Variants in TMEM232 observed in about 807,000 individuals in gnomAD.
The protein encoded by TMEM232 is transmembrane protein 232.
In TMEM232, 80 loss-of-function variants were observed where a neutral mutation model predicts 78.8. The observed-to-expected ratio is 1.01, with a 90% CI of 0.85 to 1.22. The LOEUF is 1.22. Ranked by LOEUF, TMEM232 falls within the 50% of genes most tolerant of loss-of-function variation. The probability of loss-of-function intolerance (pLI) is 0.00; values close to 1 mark genes in which losing one functional copy is unlikely to be tolerated. For synonymous variants in TMEM232, 297 were observed against 254.3 expected (o/e 1.17, Z -1.60); for missense variants, 881 against 742.2 (o/e 1.19, Z -2.17).
At chr5:110,440,119 A>G (rs1432528684) in intron 12 of TMEM232, among the ~76,000 whole-genome samples, 1 of 152,202 alleles carries the variant, frequency 6.6e-6, no homozygotes, top group Non-Finnish European at 1.5e-5. Flanking sequence ...TAAATCTGGA[A>G]AGATGAGTAG....
intron 3 of TMEM232, among the ~76,000 whole-genome samples, chr5:110,391,424 C>T (rs971064834): frequency 1.1e-4 from 17 of 151,162 alleles, no homozygotes; most frequent in African/African-American, 3.9e-4. Flanking sequence ...TTTATTGAGC[C>T]GATGTGTCAA....
intron 12 of TMEM232, among the ~76,000 whole-genome samples, chr5:110,437,140 A>G (rs1404922348): frequency 1.3e-5 from 2 of 151,932 alleles, no homozygotes; most frequent in African/African-American, 4.8e-5. Context: ...AGTGTTTTAT[A>G]GTGTTCATTG....
chr5:110,615,364 T>C (rs2149877436), intron 8 of TMEM232, among the ~76,000 whole-genome samples: 1 of 152,110 alleles, frequency 6.6e-6, no homozygotes, highest in East Asian at 1.9e-4. Context: ...CATTTTCAAC[T>C]TGTTATGGCA....
intron 10 of TMEM232, among the ~76,000 whole-genome samples, chr5:110,602,354 C>T (rs897174256): frequency 6.6e-6 from 1 of 151,996 alleles, no homozygotes; most frequent in Non-Finnish European, 1.5e-5. Context: ...TCAGAGTGAA[C>T]AGGCAACCTA....
intron 12 of TMEM232, among the ~76,000 whole-genome samples, chr5:110,521,287 T>C (rs1458931924): frequency 1.3e-5 from 2 of 152,216 alleles, no homozygotes; most frequent in Non-Finnish European, 2.9e-5. Flanking sequence ...CTATTCAAGT[T>C]TTTAACCTAT....
intron 12 of TMEM232, among the ~76,000 whole-genome samples, chr5:110,454,930 A>G (rs1760735348): frequency 1.3e-5 from 2 of 151,684 alleles, no homozygotes; most frequent in African/African-American, 4.8e-5. Context: ...AAAAAGATAA[A>G]CCTCTAGCCA....
intron 1 of TMEM232, among the ~76,000 whole-genome samples, chr5:110,723,177 C>T (rs1261924457): frequency 1.3e-5 from 2 of 152,052 alleles, no homozygotes; most frequent in Non-Finnish European, 2.9e-5. Flanking sequence ...ATTATTGATT[C>T]CATTTCTTTA....
At position 110,523,504 on chromosome 5, in the gene TMEM232, C is replaced by T. The variant is rs555837355; in HGVS notation, c.1703+5084G>A. ...TATTTGAGATTTTTCTTTTTTAATG[C>T]ATTTAACAAAAATAAATATCCCTCT... is the stretch of plus-strand genomic sequence containing the variant. On this transcript the variant is annotated intron_variant, in intron 12 of 13. Coordinates refer to ENST00000455884, the MANE Select transcript of TMEM232 (RefSeq NM_001039763.4). Among the ~76,000 whole-genome samples, 200 of 151,968 alleles carry T rather than the reference C, an allele frequency of 1.3e-3. 1 individual carries two copies. The highest frequency in any genetic ancestry group is 4.7e-3 in the African/African-American group (194 of 41,448).
chr5:110,691,150 A>T (rs1794073400), intron 1 of TMEM232, among the ~76,000 whole-genome samples: 1 of 151,502 alleles, frequency 6.6e-6, no homozygotes, highest in East Asian at 1.9e-4. Context: ...ATAAGGAAAA[A>T]AAAAAAAAAG....
chr5:110,665,321 C>T (rs942633016), intron 2 of TMEM232, among the ~76,000 whole-genome samples: 2 of 152,092 alleles, frequency 1.3e-5, no homozygotes, highest in African/African-American at 4.8e-5. Flanking sequence ...ATGAAGCGGG[C>T]TGTATAGGTA....
chr5:110,556,965 T>A (rs1775161401), intron 11 of TMEM232, among the ~76,000 whole-genome samples: 1 of 152,144 alleles, frequency 6.6e-6, no homozygotes, highest in Non-Finnish European at 1.5e-5. Flanking sequence ...TTCAAATATG[T>A]TTTCCAAGTT....
chr5:110,683,724 T>C (rs1215309796), intron 1 of TMEM232, among the ~76,000 whole-genome samples: 1 of 151,948 alleles, frequency 6.6e-6, no homozygotes. Context: ...CTCAAGGTTA[T>C]AGAATCTGTG....
intron 12 of TMEM232, among the ~76,000 whole-genome samples, chr5:110,481,107 T>C (rs1334793416): frequency 1.3e-5 from 2 of 152,128 alleles, no homozygotes; most frequent in African/African-American, 2.4e-5. Flanking sequence ...GTGATGCTAA[T>C]AGTCAATCTT....
chr5:110,463,929 T>A (rs1036323700), intron 12 of TMEM232, among the ~76,000 whole-genome samples: 4 of 152,226 alleles, frequency 2.6e-5, no homozygotes, highest in Non-Finnish European at 1.5e-5. Flanking sequence ...TGAATACTTT[T>A]CACCTGGAGG....
chr5:110,521,866 G>A (rs1367469086), intron 12 of TMEM232, among the ~76,000 whole-genome samples: 2 of 152,080 alleles, frequency 1.3e-5, no homozygotes, highest in Non-Finnish European at 2.9e-5. Context: ...TGGTAGCTTT[G>A]TAATGTATTT....
chr5:110,685,196 C>G (rs1214060734), intron 1 of TMEM232, among the ~76,000 whole-genome samples: 1 of 151,848 alleles, frequency 6.6e-6, no homozygotes. Flanking sequence ...CATATAAAAA[C>G]TTATGATGTG....
intron 12 of TMEM232, among the ~76,000 whole-genome samples, chr5:110,500,304 A>AAAAG (rs1477502178): frequency 6.7e-6 from 1 of 148,536 alleles, no homozygotes; most frequent in African/African-American, 2.6e-5. Flanking sequence ...AAAAAAAAAA[A>AAAAG]AAAGAAAGAA....
chr5:110,603,540 A>C (rs1781207510), intron 10 of TMEM232, among the ~76,000 whole-genome samples: 1 of 152,138 alleles, frequency 6.6e-6, no homozygotes, highest in Admixed American at 6.6e-5. Context: ...TGAAGGCCAA[A>C]ATTGTAGATG....
intron 2 of TMEM232, among the ~76,000 whole-genome samples, chr5:110,413,970 A>T (rs560560650): frequency 6.6e-6 from 1 of 152,340 alleles, no homozygotes; most frequent in African/African-American, 2.4e-5. Flanking sequence ...ACCCACCACA[A>T]CACAATGGAG....
Sources: gnomAD v4.1 joint callset for allele counts (sites outside exome capture counted in the v4.1 genomes callset) on GRCh38, gnomAD v4.1.1 for gene constraint, MANE v1.5 for transcripts, NCBI Gene and HGNC (gene_info 2026-07-23, HGNC 2026-07-21) for gene names.